PHF8: variants seen among roughly 807,000 people sequenced by gnomAD.
PHF8 encodes the protein histone lysine demethylase PHF8.
PHF8 carries 9 observed loss-of-function variants against 74.4 expected under a neutral mutation model. That is an observed-to-expected ratio of 0.12 (90% confidence interval 0.07 to 0.21). PHF8 has a LOEUF of 0.21. Among genes scored for constraint, PHF8 ranks in the 10% least tolerant of loss-of-function variants. The probability of loss-of-function intolerance (pLI) is 1.00; values close to 1 mark genes in which losing one functional copy is unlikely to be tolerated. For missense variants in PHF8, 478 were observed against 816.6 expected, an observed-to-expected ratio of 0.59 and a Z score of 5.05; for synonymous variants, 311 against 316.6, an observed-to-expected ratio of 0.98 and a Z score of 0.19.
chrX:53,938,338 C>T lies in PHF8; in HGVS notation c.*820G>A, dbSNP rs782409168. The T allele has an allele frequency of 1.3e-5, 13 of 980,238 alleles. No homozygotes were observed. Among genetic ancestry groups the T allele is most frequent in the African/African-American group, 6.0e-5 (3 of 50,372 alleles). The allele number at this position is 980,238 out of a possible 1,213,427, so 80.8% of individuals were successfully genotyped here. On this transcript the variant is annotated 3_prime_UTR_variant, in exon 22 of 22. Coordinates refer to ENST00000338154, the MANE Select transcript of PHF8 (RefSeq NM_015107.3). The stretch of plus-strand genomic sequence containing the variant: ...CCAGCCACAGCCACAGCCACAGCCA[C>T]GTGGATAATGTTCTACATGATTTCA...
intron 16 of PHF8, among the ~76,000 whole-genome samples, chrX:53,986,713 G>A (rs782367860): frequency 4.5e-5 from 5 of 111,288 alleles, no homozygotes; most frequent in East Asian, 2.8e-4. Context: ...GCAAAAGATC[G>A]CTTGAGCCCA....
At chrX:53,951,354 A>T (rs2064921193) in intron 19 of PHF8, among the ~76,000 whole-genome samples, 1 of 112,325 alleles carries the variant, frequency 8.9e-6, no homozygotes, top group East Asian at 2.8e-4. Flanking sequence ...AAAACTTTCC[A>T]AATTTGATGA....
rs143272237 is a variant in PHF8, at chrX:53,981,858, G to A, written c.2443+3056C>T. Among the ~76,000 whole-genome samples, 509 of 111,831 alleles carry A rather than the reference G, an allele frequency of 4.6e-3. 2 individuals are homozygous for A. Among genetic ancestry groups the A allele is most frequent in the Non-Finnish European group, 8.4e-3 (447 of 53,206 alleles). ...GACATGAGGTTATATTCAGGAATGC[G>A]CAAATCCCAGTATAGCCGAAATGCC... On this transcript the variant is annotated intron_variant, in intron 18 of 21. Coordinates refer to ENST00000338154, the MANE Select transcript of PHF8 (RefSeq NM_015107.3).
intron 18 of PHF8, among the ~76,000 whole-genome samples, 167 bp from the exon 19 acceptor site, chrX:53,963,106 A>G (rs2065128633): frequency 1.8e-5 from 2 of 112,216 alleles, no homozygotes; most frequent in Non-Finnish European, 3.8e-5. Flanking sequence ...ATGCCCTTCT[A>G]CTTTGCATCC....
Position 53,954,194 on chromosome X carries a change from G to A in PHF8, c.2539+8650C>T, listed in dbSNP as rs782647274. On this transcript the variant is annotated intron_variant, in intron 19 of 21. Transcript: ENST00000338154. ...TACCACATTTTCAATAATGGATAGA[G>A]CAATTAGAAAATCAGCAAAAAACGG... Among the ~76,000 whole-genome samples, 5 of 111,336 alleles carry A rather than the reference G, an allele frequency of 4.5e-5. No individual in the cohort carries two copies. In the East Asian group the frequency reaches 1.4e-3, roughly 31 times the overall value.
At chrX:53,987,985 T>A in intron 14 of PHF8, 41 bp from the exon 15 acceptor site, 1 of 1,031,010 alleles carries the variant, frequency 9.7e-7, no homozygotes, top group Non-Finnish European at 1.4e-6. Context: ...CTAGCAGTAT[T>A]GTTAGTCGCT....
At chrX:54,023,268 C>T (rs1440855282) in intron 2 of PHF8, among the ~76,000 whole-genome samples, 1 of 111,091 alleles carries the variant, frequency 9.0e-6, no homozygotes, top group Non-Finnish European at 1.9e-5. Flanking sequence ...TGAGCCACCA[C>T]GCCCAGCCTT....
At chrX:53,980,417 A>G (rs1482289515) in intron 18 of PHF8, among the ~76,000 whole-genome samples, 1 of 111,202 alleles carries the variant, frequency 9.0e-6, no homozygotes, top group Non-Finnish European at 1.9e-5. Context: ...CCACATGAAG[A>G]GGCAGCAAGA....
At chrX:53,971,989 A>C (rs782193330) in intron 18 of PHF8, among the ~76,000 whole-genome samples, 1 of 111,646 alleles carries the variant, frequency 9.0e-6, no homozygotes, top group African/African-American at 3.2e-5. Context: ...TTATGAGGCC[A>C]GCATCATCCT....
intron 19 of PHF8, among the ~76,000 whole-genome samples, chrX:53,959,292 T>C (rs998284275): frequency 5.4e-5 from 6 of 111,399 alleles, no homozygotes; most frequent in Admixed American, 1.9e-4. Context: ...AAATGTACCT[T>C]TTACTTAATC....
At chrX:54,027,765 G>A (rs2066290217) in intron 2 of PHF8, among the ~76,000 whole-genome samples, 2 of 110,973 alleles carry the variant, frequency 1.8e-5, no homozygotes, top group African/African-American at 3.3e-5. Flanking sequence ...GCCAGGCTCT[G>A]GTCTAGGTGC....
In PHF8 at chrX:53,966,337, T is replaced by C. The variant is rs1032865734; in HGVS notation, c.2444-3398A>G. On this transcript the variant is annotated intron_variant, in intron 18 of 21. Coordinates refer to ENST00000338154, the MANE Select transcript of PHF8 (RefSeq NM_015107.3). ...GGCTCACTGCAACCTCCCTGCCTGA[T>C]TCTCCTGCCTCAGCCTGCCGAGTGC... is the stretch of plus-strand genomic sequence containing the variant. Among the ~76,000 whole-genome samples the C allele has an allele frequency of 1.5e-3, 164 of 112,189 alleles. 2 individuals are homozygous for C. The highest frequency in any genetic ancestry group is 5.1e-3 in the African/African-American group (157 of 31,013).
In PHF8 at chrX:53,944,869, A is replaced by G. The variant is rs1248857202; in HGVS notation, c.2540-626T>C. On this transcript the variant is annotated intron_variant, in intron 19 of 21. Transcript: ENST00000338154. ...AAACTTCGTCTCTACTAAAAATACA[A>G]AAATTATCCCGGCATGGTGGTGCAC... Among the ~76,000 whole-genome samples the G allele has an allele frequency of 2.7e-5, 3 of 111,517 alleles. No homozygotes were observed. In the East Asian group the frequency reaches 8.4e-4, roughly 31 times the overall value.
chrX:53,981,712 T>C (rs1557098065), intron 18 of PHF8, among the ~76,000 whole-genome samples: 3 of 111,988 alleles, frequency 2.7e-5, no homozygotes, highest in African/African-American at 6.5e-5. Flanking sequence ...GCCATTGGGC[T>C]CTAACTTAGA....
At chrX:53,966,320 G>A (rs2065186041) in intron 18 of PHF8, among the ~76,000 whole-genome samples, 1 of 111,679 alleles carries the variant, frequency 9.0e-6, no homozygotes, top group African/African-American at 3.2e-5. Context: ...TCGGCTCACT[G>A]CAACCTCCCT....
rs1300948471 is a variant in PHF8 at position 54,011,931 on chromosome X, G to A, written c.784-647C>T. Reference sequence around the variant, plus strand: ...CAAATATATTCTCACAGCATGATTGGTTTAACCAGTATTTCATGATAATAA... The same window carrying A: ...CAAATATATTCTCACAGCATGATTGATTTAACCAGTATTTCATGATAATAA... On this transcript the variant is annotated intron_variant, in intron 7 of 21. Coordinates refer to ENST00000338154, the MANE Select transcript of PHF8 (RefSeq NM_015107.3). Among the ~76,000 whole-genome samples, 5 of 109,030 alleles carry A rather than the reference G, an allele frequency of 4.6e-5. No individual in the cohort carries two copies. The Admixed American group carries it at 5.0e-4, about 11-fold the overall frequency. The allele number at this position is 109,030 out of a possible 115,157, so 94.7% of individuals were successfully genotyped here. A position where few individuals can be genotyped will look rare whatever the true frequency, so the allele number is the denominator to read the frequency against.
intron 2 of PHF8, among the ~76,000 whole-genome samples, chrX:54,028,960 G>A (rs1299542611): frequency 1.8e-5 from 2 of 111,821 alleles, no homozygotes; most frequent in African/African-American, 6.5e-5. Context: ...TGTAAGATGG[G>A]GATAAAAACT....
intron 2 of PHF8, among the ~76,000 whole-genome samples, chrX:54,023,436 A>G (rs1813951934): frequency 9.0e-6 from 1 of 111,399 alleles, no homozygotes; most frequent in Admixed American, 9.6e-5. Flanking sequence ...TGCTTATTTC[A>G]CATTTTAAAG....
rs1264307981 is a variant in PHF8, at chrX:53,938,624, G to A, written c.*534C>T. The A allele has an allele frequency of 2.1e-5, 16 of 755,999 alleles. No individual in the cohort carries two copies. Among genetic ancestry groups the A allele is most frequent in the Non-Finnish European group, 2.3e-5 (15 of 641,210 alleles). The allele number at this position is 755,999 out of a possible 1,213,427, so 62.3% of individuals were successfully genotyped here. On this transcript the variant is annotated 3_prime_UTR_variant, in exon 22 of 22. Coordinates refer to ENST00000338154, the MANE Select transcript of PHF8 (RefSeq NM_015107.3). ...TCCTCTTCATTTCCATGAAGCATTT[G>A]GCAAGAGGGGGCAGAGACCACAGCC...
Sources: gnomAD v4.1 joint callset for allele counts (sites outside exome capture counted in the v4.1 genomes callset) on GRCh38, gnomAD v4.1.1 for gene constraint, MANE v1.5 for transcripts, NCBI Gene and HGNC (gene_info 2026-07-23, HGNC 2026-07-21) for gene names.